HERC3: variants seen among roughly 807,000 people sequenced by gnomAD.
The protein encoded by HERC3 is HECT and RLD domain containing E3 ubiquitin protein ligase 3, also known as probable E3 ubiquitin-protein ligase HERC3.
Under a neutral mutation model 129.9 loss-of-function variants are expected in HERC3, and 58 were observed. The observed-to-expected ratio is 0.45, with a 90% CI of 0.36 to 0.56. HERC3 has a LOEUF of 0.56. Among genes scored for constraint, HERC3 ranks in the 20% least tolerant of loss-of-function variants. The probability of loss-of-function intolerance (pLI) is 0.00; values close to 1 mark genes in which losing one functional copy is unlikely to be tolerated. For missense variants in HERC3, 835 were observed against 1,244.2 expected (o/e 0.67, Z 4.95); for synonymous variants, 430 against 451.0 (o/e 0.95, Z 0.59).
chr4:88,619,433 G>A (rs887127925), intron 3 of HERC3, among the ~76,000 whole-genome samples: 9 of 152,096 alleles, frequency 5.9e-5, no homozygotes, highest in African/African-American at 1.7e-4. Flanking sequence ...TGTTCACCTG[G>A]CATACAGAAC....
the HERC3 span, among the ~76,000 whole-genome samples, chr4:88,578,809 G>A: frequency 8.5e-5 from 13 of 152,204 alleles, no homozygotes; most frequent in East Asian, 1.9e-4. Flanking sequence ...CATGGGAAAC[G>A]GAAATGACTT....
chr4:88,549,835 A>G, the HERC3 span, among the ~76,000 whole-genome samples: 1 of 152,012 alleles, frequency 6.6e-6, no homozygotes, highest in Non-Finnish European at 1.5e-5. Flanking sequence ...GTGAGAAAAC[A>G]TTTGAAATGG....
At chr4:88,531,137 C>T in the HERC3 span, among the ~76,000 whole-genome samples, 4 of 151,846 alleles carry the variant, frequency 2.6e-5, no homozygotes, top group African/African-American at 4.8e-5. Flanking sequence ...GGATTATAGG[C>T]GTGACCCACC....
At chr4:88,591,806 AT>A (rs1560645856), upstream of HERC3, among the ~76,000 whole-genome samples, 1 of 152,262 alleles carries the variant, frequency 6.6e-6, no homozygotes, top group African/African-American at 2.4e-5. Context: ...AGATTACAAG[AT>A]TTTAAGATCT....
At chr4:88,672,612 G>T (rs548108197) in intron 16 of HERC3, among the ~76,000 whole-genome samples, 2 of 152,196 alleles carry the variant, frequency 1.3e-5, no homozygotes, top group African/African-American at 2.4e-5. Context: ...AGGCTGTGTA[G>T]TATATTATTG....
intron 3 of HERC3, among the ~76,000 whole-genome samples, chr4:88,608,173 A>G (rs897609533): frequency 6.6e-6 from 1 of 152,132 alleles, no homozygotes; most frequent in African/African-American, 2.4e-5. Context: ...GTCAGTGTAA[A>G]TTTATAATCG....
chr4:88,549,507 C>G, the HERC3 span, among the ~76,000 whole-genome samples: 1 of 152,064 alleles, frequency 6.6e-6, no homozygotes, highest in South Asian at 2.1e-4. Context: ...TTATTTTCAT[C>G]TTTATGTCCA....
chr4:88,574,989 TA>T, the HERC3 span, among the ~76,000 whole-genome samples: 17 of 152,166 alleles, frequency 1.1e-4, no homozygotes, highest in Non-Finnish European at 2.4e-4. Flanking sequence ...TTCAGAATAT[TA>T]AAAAAACTTT....
intron 11 of HERC3, among the ~76,000 whole-genome samples, chr4:88,663,787 G>A (rs143191544): frequency 1.9e-4 from 29 of 152,252 alleles, no homozygotes; most frequent in Admixed American, 1.6e-3. Flanking sequence ...TTCTGTGTTC[G>A]GGAAGTAACA....
chr4:88,536,966 C>T, the HERC3 span, among the ~76,000 whole-genome samples: 1 of 152,092 alleles, frequency 6.6e-6, no homozygotes, highest in Non-Finnish European at 1.5e-5. Context: ...TATATACTTT[C>T]ACCTGGATTT....
Position 88,697,446 on chromosome 4 carries a change from C to T in HERC3, c.2658-6652C>T, listed in dbSNP as rs1560778190. 6 of 1,614,034 alleles carry T rather than the reference C, an allele frequency of 3.7e-6. No individual in the cohort carries two copies. The Admixed American group carries it at 8.3e-5, about 22-fold the overall frequency. On this transcript the variant is annotated intron_variant, in intron 23 of 25. Coordinates refer to ENST00000402738, the MANE Select transcript of HERC3 (RefSeq NM_014606.3). ...TGTCATTATACTTTTTTTCCAGAGC[C>T]TGAAATTCCTTATCAAATTTGGCTT...
intron 11 of HERC3, among the ~76,000 whole-genome samples, chr4:88,663,684 G>T (rs796782597): frequency 1.3e-5 from 2 of 152,130 alleles, no homozygotes; most frequent in African/African-American, 4.8e-5. Context: ...GAAGGTAATG[G>T]GAATAAGCAC....
At chr4:88,586,502 G>A in the HERC3 span, among the ~76,000 whole-genome samples, 162 of 152,102 alleles carry the variant, frequency 1.1e-3, no homozygotes, top group Admixed American at 4.5e-3. Context: ...GGGATTACAG[G>A]CATGTGCCAC....
At chr4:88,631,439 A>G (rs758285361) in intron 3 of HERC3, among the ~76,000 whole-genome samples, 1 of 152,244 alleles carries the variant, frequency 6.6e-6, no homozygotes, top group Non-Finnish European at 1.5e-5. Context: ...CCTGGGTGAC[A>G]AAGTGAGATT....
chr4:88,565,764 G>A, the HERC3 span, among the ~76,000 whole-genome samples: 1 of 150,158 alleles, frequency 6.7e-6, no homozygotes, highest in South Asian at 2.1e-4. Context: ...CCATTTTGTT[G>A]TTTAATAAAG....
chr4:88,555,198 G>A, the HERC3 span, among the ~76,000 whole-genome samples: 1 of 151,184 alleles, frequency 6.6e-6, no homozygotes, highest in Admixed American at 6.6e-5. Flanking sequence ...CAGGAGAACT[G>A]CTTGAACCTG....
At chr4:88,585,892 C>T in the HERC3 span, among the ~76,000 whole-genome samples, 6 of 152,190 alleles carry the variant, frequency 3.9e-5, no homozygotes, top group African/African-American at 1.4e-4. Flanking sequence ...CTTAAAATGA[C>T]TTACAAAATT....
chr4:88,689,864 C>A, intron 23 of HERC3: 1 of 392,474 alleles, frequency 2.5e-6, no homozygotes, highest in African/African-American at 2.2e-5. Flanking sequence ...AGGCATGAGC[C>A]ACCGCTCCTG....
intron 13 of HERC3, 47 bp from the exon 14 acceptor site, chr4:88,667,845 G>A: frequency 7.3e-7 from 1 of 1,368,316 alleles, no homozygotes; most frequent in Non-Finnish European, 1.0e-6. Context: ...AAGTTAACTA[G>A]ATCTCAAGTA....
Sources: allele counts gnomAD v4.1 joint callset (sites outside exome capture counted in the v4.1 genomes callset), GRCh38; gene constraint gnomAD v4.1.1; transcripts MANE v1.5; gene names NCBI Gene and HGNC (gene_info 2026-07-23, HGNC 2026-07-21).